The following CDK7 variants were observed in gnomAD, a reference collection of about 807,000 sequenced individuals.
CDK7 encodes the protein cyclin-dependent kinase 7.
In CDK7, 25 loss-of-function variants were observed where a neutral mutation model predicts 49.1. The observed-to-expected ratio is 0.51, with a 90% CI of 0.37 to 0.71. The LOEUF (loss-of-function observed/expected upper bound fraction) is 0.71, where lower values mean the gene tolerates loss of function less well. Among genes scored for constraint, CDK7 ranks in the 30% least tolerant of loss-of-function variants. The pLI, the probability that CDK7 is intolerant of heterozygous loss-of-function variation, is 0.00. For missense variants in CDK7, 316 were observed against 411.7 expected (o/e 0.77, Z 2.01); for synonymous variants, 107 against 140.0 (o/e 0.76, Z 1.67).
chr5:69,237,675 G>C (rs147564275), intron 2 of CDK7, among the ~76,000 whole-genome samples: 107 of 152,292 alleles, frequency 7.0e-4, no homozygotes, highest in African/African-American at 2.5e-3. Flanking sequence ...TTTCAGCTGG[G>C]CGCGGTGGCT....
intron 8 of CDK7, among the ~76,000 whole-genome samples, chr5:69,265,902 ACTAG>A (rs921340014): frequency 7.0e-6 from 1 of 142,158 alleles, no homozygotes; most frequent in African/African-American, 2.5e-5. Flanking sequence ...AGAGCAAGAC[ACTAG>A]CTAAAAAAAA....
chr5:69,243,494 C>G (rs1749516549), intron 2 of CDK7, among the ~76,000 whole-genome samples: 1 of 152,096 alleles, frequency 6.6e-6, no homozygotes, highest in Admixed American at 6.6e-5. Flanking sequence ...TTCCATTGGT[C>G]TGTGTGTCTG....
intron 2 of CDK7, among the ~76,000 whole-genome samples, chr5:69,243,826 G>GTTTTTTTTTTTTTTTTT (rs747576681): frequency 1.5e-5 from 1 of 66,394 alleles, no homozygotes. Flanking sequence ...AATGATAGTT[G>GTTTTTTTTTTTTTTTTT]TTTTTTTTTT....
chr5:69,268,099 T>C (rs897028167), intron 8 of CDK7, among the ~76,000 whole-genome samples: 2 of 152,182 alleles, frequency 1.3e-5, no homozygotes, highest in East Asian at 3.9e-4. Context: ...GAGCTGGGAC[T>C]ACAGGCATGC....
chr5:69,241,627 A>G (rs543430789), intron 2 of CDK7, among the ~76,000 whole-genome samples: 18 of 152,122 alleles, frequency 1.2e-4, no homozygotes, highest in African/African-American at 4.3e-4. Flanking sequence ...CCCGGCCCTC[A>G]TTGTAGTTTT....
chr5:69,255,826 C>CTTT (rs200870478), intron 5 of CDK7: 63 of 255,916 alleles, frequency 2.5e-4, no homozygotes, highest in Middle Eastern at 1.3e-3. Context: ...GATTTGTTTG[C>CTTT]TTTTTTTTTT....
At chr5:69,261,522 G>GTGTGTA (rs1561365776) in intron 7 of CDK7, among the ~76,000 whole-genome samples, 4 of 144,874 alleles carry the variant, frequency 2.8e-5, no homozygotes, top group Non-Finnish European at 6.1e-5. Context: ...GTGTGTGTGT[G>GTGTGTA]TGTATGTGTG....
chr5:69,244,491 C>T (rs1749597450), intron 2 of CDK7, among the ~76,000 whole-genome samples: 1 of 152,006 alleles, frequency 6.6e-6, no homozygotes, highest in Admixed American at 6.6e-5. Context: ...AAAAAATTAG[C>T]CAGGCATGAT....
At chr5:69,260,321 G>C (rs892279851) in intron 7 of CDK7, among the ~76,000 whole-genome samples, 9 of 152,124 alleles carry the variant, frequency 5.9e-5, no homozygotes, top group Middle Eastern at 3.4e-3. Context: ...CCGCACTCCA[G>C]CCTGGGCGAC....
chr5:69,258,048 A>G lies in CDK7; in HGVS notation c.303A>G (p.Ile101Met). ...ATTGTATACTTGCTTTACAGGTTATAATAAAGGATAATAGTCTTGTGCTGA... is the reference window on the plus strand; with the variant it reads ...ATTGTATACTTGCTTTACAGGTTATGATAAAGGATAATAGTCTTGTGCTGA... The part of the protein sequence containing the change: ...FDFMETDLEV[I>M]IKDNSLVLTP... Residue 101 changes from isoleucine to methionine, a missense_variant, in exon 6 of 12, where the codon ATA (isoleucine) becomes ATG (methionine). Ile to Met is a conservative substitution (Grantham distance 10). Coordinates refer to ENST00000256443, the MANE Select transcript of CDK7 (RefSeq NM_001799.4). The G allele has an allele frequency of 6.6e-7, 1 of 1,509,132 alleles. No individual in the cohort carries two copies. Among genetic ancestry groups the G allele is most frequent in the Non-Finnish European group, 9.1e-7 (1 of 1,093,216 alleles). 93.5% of individuals were successfully genotyped at this position (1,509,132 alleles called of 1,614,324 possible). A position where few individuals can be genotyped will look rare whatever the true frequency, so the allele number is the denominator to read the frequency against.
chr5:69,263,220 G>A (rs982474943), intron 8 of CDK7, among the ~76,000 whole-genome samples: 2 of 151,848 alleles, frequency 1.3e-5, no homozygotes, highest in African/African-American at 4.8e-5. Context: ...GAATGATGAA[G>A]GTAAAGGGAT....
At chr5:69,270,351 A>T (rs760622676) in intron 9 of CDK7, among the ~76,000 whole-genome samples, 1 of 152,186 alleles carries the variant, frequency 6.6e-6, no homozygotes, top group South Asian at 2.1e-4. Context: ...AGGCTGAGGT[A>T]GGAGGATTGC....
intron 6 of CDK7, among the ~76,000 whole-genome samples, chr5:69,259,075 C>CAAA (rs1281310184): frequency 2.7e-3 from 310 of 113,388 alleles, no homozygotes; most frequent in Middle Eastern, 5.0e-3. Flanking sequence ...AACCCTGTCT[C>CAAA]AAAAAAAAAA....
At chr5:69,274,488 A>G (rs1475593820) in intron 10 of CDK7, among the ~76,000 whole-genome samples, 1 of 152,198 alleles carries the variant, frequency 6.6e-6, no homozygotes, top group Non-Finnish European at 1.5e-5. Flanking sequence ...TAAATAAATA[A>G]AAAATGAAAA....
At chr5:69,268,579 A>G (rs1751310647) in intron 8 of CDK7, among the ~76,000 whole-genome samples, 1 of 152,236 alleles carries the variant, frequency 6.6e-6, no homozygotes, top group African/African-American at 2.4e-5. Flanking sequence ...AAGGCCAGGC[A>G]TGGTGGCTGA....
chr5:69,276,764 GAAC>G (rs1463742094), intron 11 of CDK7, 74 bp downstream of exon 11: 2 of 1,244,778 alleles, frequency 1.6e-6, no homozygotes, highest in African/African-American at 1.5e-5. Flanking sequence ...GCTAGCGACT[GAAC>G]AACAGCAAAG....
chr5:69,244,087 C>T (rs1418995671), intron 2 of CDK7, among the ~76,000 whole-genome samples: 2 of 152,064 alleles, frequency 1.3e-5, no homozygotes, highest in Non-Finnish European at 2.9e-5. Flanking sequence ...CTGCCTTGGC[C>T]TCCCAAAATG....
intron 2 of CDK7, among the ~76,000 whole-genome samples, chr5:69,246,056 G>A (rs552714103): frequency 1.9e-4 from 29 of 152,268 alleles, no homozygotes; most frequent in African/African-American, 5.3e-4. Flanking sequence ...TAATCATGGC[G>A]AAAGGTGAAA....
chr5:69,235,643 C>A (rs1020087193), intron 2 of CDK7, 190 bp downstream of exon 2: 5 of 610,388 alleles, frequency 8.2e-6, no homozygotes, highest in Non-Finnish European at 1.5e-5. Flanking sequence ...GTTTTAATTT[C>A]TATTGAAATG....
Sources: gnomAD v4.1 joint callset for allele counts (sites outside exome capture counted in the v4.1 genomes callset) on GRCh38, gnomAD v4.1.1 for gene constraint, MANE v1.5 for transcripts, NCBI Gene and HGNC (gene_info 2026-07-23, HGNC 2026-07-21) for gene names.